Variants in TBC1D4 observed in about 807,000 individuals in gnomAD.
The protein encoded by TBC1D4 is TBC (Tre-2, BUB2, CDC16) domain-containing protein.
TBC1D4 carries 121 observed loss-of-function variants against 142.5 expected under a neutral mutation model. That is an observed-to-expected ratio of 0.85 (90% confidence interval 0.73 to 0.99). TBC1D4 has a LOEUF of 0.99. Among genes scored for constraint, TBC1D4 ranks in the 50% least tolerant of loss-of-function variants. The pLI is 0.00. For missense variants in TBC1D4, 1,475 were observed against 1,606.6 expected, an observed-to-expected ratio of 0.92 and a Z score of 1.40; for synonymous variants, 630 against 628.2, an observed-to-expected ratio of 1.00 and a Z score of -0.04.
Position 75,326,228 on chromosome 13 carries a change from G to C in TBC1D4, c.2002C>G (p.Leu668Val), listed in dbSNP as rs759763499. Residue 668 changes from leucine to valine, a missense_variant, in exon 10 of 21, where the codon CTG (leucine) becomes GTG (valine). Coordinates refer to ENST00000377636, the MANE Select transcript of TBC1D4 (RefSeq NM_014832.5). ...DGRAQGVRSP[L>V]LRQSSSEQCS... ...TGTTCACTGGAGCTCTGCCTCAGCA[G>C]AGGGGAACGCACACCCTGAGCCCTC... 23 of 1,614,182 alleles carry C rather than the reference G, an allele frequency of 1.4e-5. No individual in the cohort carries two copies. The highest frequency in any genetic ancestry group is 3.3e-4 in the Middle Eastern group (2 of 6,062).
rs367565557 is a variant in TBC1D4, at chr13:75,335,158, T to G, written c.1731+1763A>C. ...GCACTGGGCCTTCCCTCTGCCAGTA[T>G]GCTGCCTCCTACAACCTCCCAAACC... On this transcript the variant is annotated intron_variant, in intron 8 of 20. Coordinates refer to ENST00000377636, the MANE Select transcript of TBC1D4 (RefSeq NM_014832.5). Among the ~76,000 whole-genome samples, 31 of 152,248 alleles carry G rather than the reference T, an allele frequency of 2.0e-4. No homozygotes were observed. The East Asian group carries it at 5.6e-3, about 28-fold the overall frequency.
chr13:75,415,072 C>T (rs914073916), intron 1 of TBC1D4, among the ~76,000 whole-genome samples: 1 of 144,706 alleles, frequency 6.9e-6, no homozygotes, highest in Admixed American at 7.3e-5. Context: ...TTCGGTGAGC[C>T]GAGATCATGC....
intron 1 of TBC1D4, among the ~76,000 whole-genome samples, chr13:75,400,855 A>G (rs1885056199): frequency 6.6e-6 from 1 of 152,058 alleles, no homozygotes; most frequent in Non-Finnish European, 1.5e-5. Context: ...TCCCCCATAT[A>G]GCATCGATCA....
chr13:75,301,080 G>T (rs1223064692), intron 16 of TBC1D4, among the ~76,000 whole-genome samples: 1 of 152,128 alleles, frequency 6.6e-6, no homozygotes, highest in Admixed American at 6.5e-5. Context: ...TTTGGCTAGT[G>T]ATTTTTCATA....
rs368290678 is a variant in TBC1D4, at chr13:75,481,717, C to G, written c.51G>C (p.Glu17Asp). The G allele has an allele frequency of 3.8e-6, 6 of 1,596,646 alleles. No individual in the cohort carries two copies. The Admixed American group carries it at 5.3e-5, about 14-fold the overall frequency. The change falls in exon 1 of 21, where the codon GAG becomes GAC. Residue 17 changes from glutamate to aspartate, a missense_variant. This residue lies in a region of TBC1D4 where 1,227 missense variants were observed against 1,267.7 expected (regional missense o/e 0.97). Coordinates refer to ENST00000377636, the MANE Select transcript of TBC1D4 (RefSeq NM_014832.5). Reference protein sequence around the residue: ...IQDEPFPHPLEPEPGVSAQPG... With the variant: ...IQDEPFPHPLDPEPGVSAQPG... ...GCTGAGCTGAGACGCCCGGCTCGGG[C>G]TCCAGGGGGTGCGGGAACGGCTCAT...
At position 75,481,856 on chromosome 13, in the gene TBC1D4, A is replaced by T. The variant is rs1454183255; in HGVS notation, c.-89T>A. 2 of 1,388,114 alleles carry T rather than the reference A, an allele frequency of 1.4e-6. No homozygotes were observed. Among genetic ancestry groups the T allele is most frequent in the Non-Finnish European group, 1.9e-6 (2 of 1,079,854 alleles). 86.0% of individuals were successfully genotyped at this position (1,388,114 alleles called of 1,614,324 possible). A position where few individuals can be genotyped will look rare whatever the true frequency, so the allele number is the denominator to read the frequency against. On this transcript the variant is annotated 5_prime_UTR_variant, in exon 1 of 21. Transcript: ENST00000377636. ...CAGAAGGCGCCGCCGAAACTGTGCC[A>T]ACTGCCGCACCGGGCTCCCGCGCCT...
intron 5 of TBC1D4, among the ~76,000 whole-genome samples, chr13:75,343,986 G>A (rs569654797): frequency 2.0e-5 from 3 of 151,976 alleles, no homozygotes; most frequent in Non-Finnish European, 2.9e-5. Flanking sequence ...GATTACAGGT[G>A]CCCACCACCA....
At chr13:75,385,741 TC>T (rs1412714661) in intron 1 of TBC1D4, among the ~76,000 whole-genome samples, 1 of 152,222 alleles carries the variant, frequency 6.6e-6, no homozygotes, top group Non-Finnish European at 1.5e-5. Context: ...CTCACAACTA[TC>T]CTTTGATCCT....
intron 1 of TBC1D4, among the ~76,000 whole-genome samples, chr13:75,438,342 T>A (rs1353216712): frequency 6.6e-6 from 1 of 152,230 alleles, no homozygotes; most frequent in African/African-American, 2.4e-5. Context: ...AACATTTCAT[T>A]AACTATGCCT....
chr13:75,292,041 C>CCTAAATATAT (rs1875359245), intron 19 of TBC1D4, 61 bp downstream of exon 19: 1 of 1,399,438 alleles, frequency 7.1e-7, no homozygotes, highest in African/African-American at 1.4e-5. Flanking sequence ...TAGGCTAAAG[C>CCTAAATATAT]ATTTAATATA....
intron 17 of TBC1D4, among the ~76,000 whole-genome samples, chr13:75,295,709 C>A (rs1875841949): frequency 6.6e-6 from 1 of 152,144 alleles, no homozygotes; most frequent in Admixed American, 6.5e-5. Flanking sequence ...ATAAAGACAG[C>A]ATACAGAAAC....
intron 1 of TBC1D4, among the ~76,000 whole-genome samples, chr13:75,402,161 G>A (rs902704510): frequency 6.6e-6 from 1 of 152,160 alleles, no homozygotes; most frequent in African/African-American, 2.4e-5. Flanking sequence ...CTTATAGACT[G>A]GAGAGTGGGG....
chr13:75,481,345 G>A lies in TBC1D4; in HGVS notation c.423C>T (p.Tyr141=). 4 of 1,613,920 alleles carry A rather than the reference G, an allele frequency of 2.5e-6. No homozygotes were observed. The South Asian group carries it at 3.3e-5, about 13-fold the overall frequency. ...GGTCGTCGGGCTGCGCCTTGATCAG[G>A]TAGGCAAAGTAGGTGAGGTCGTGGC... is the stretch of plus-strand genomic sequence containing the variant. ...HNSHDLTYFA[Y]LIKAQPDDPE... The change falls in exon 1 of 21, where the codon TAC becomes TAT. Residue 141 remains tyrosine, a synonymous_variant. Coordinates refer to ENST00000377636, the MANE Select transcript of TBC1D4 (RefSeq NM_014832.5).
chr13:75,449,672 G>A (rs750129093), intron 1 of TBC1D4, among the ~76,000 whole-genome samples: 3 of 144,998 alleles, frequency 2.1e-5, no homozygotes, highest in South Asian at 2.2e-4. Context: ...TGCAGGCTTC[G>A]CTTCTTGGGT....
intron 12 of TBC1D4, among the ~76,000 whole-genome samples, chr13:75,313,388 A>C (rs1877975565): frequency 6.6e-6 from 1 of 152,256 alleles, no homozygotes; most frequent in Admixed American, 6.5e-5. Flanking sequence ...CCAACAGTTG[A>C]ATCATGGCAG....
chr13:75,421,660 T>C (rs983059637), intron 1 of TBC1D4, among the ~76,000 whole-genome samples: 5 of 152,220 alleles, frequency 3.3e-5, no homozygotes, highest in Non-Finnish European at 5.9e-5. Flanking sequence ...CGGCATATCA[T>C]AGACTGGGCA....
chr13:75,318,991 T>C (rs554843270), intron 12 of TBC1D4, among the ~76,000 whole-genome samples: 24 of 152,258 alleles, frequency 1.6e-4, no homozygotes, highest in Admixed American at 3.3e-4. Context: ...AAGGAAATCA[T>C]AGACTAGATT....
At chr13:75,340,311 C>T (rs568024) in intron 7 of TBC1D4, among the ~76,000 whole-genome samples, 62,471 of 151,960 alleles carry the variant, frequency 0.41, 13,524 homozygotes, top group East Asian at 0.65. Flanking sequence ...ATTTCACAAT[C>T]CCCTTTGATG....
chr13:75,421,658 C>A (rs1886175059), intron 1 of TBC1D4, among the ~76,000 whole-genome samples: 1 of 152,130 alleles, frequency 6.6e-6, no homozygotes, highest in African/African-American at 2.4e-5. Flanking sequence ...AGCGGCATAT[C>A]ATAGACTGGG....
Sources: gnomAD v4.1 joint callset for allele counts (sites outside exome capture counted in the v4.1 genomes callset) on GRCh38, gnomAD v4.1.1 for gene constraint, gnomAD v4.1.1 regional missense constraint, MANE v1.5 for transcripts, NCBI Gene and HGNC (gene_info 2026-07-23, HGNC 2026-07-21) for gene names.